Variants in COL4A6 observed in about 807,000 individuals in gnomAD.
COL4A6 encodes collagen alpha-6(IV) chain.
A neutral mutation model predicts 126.7 loss-of-function variants in COL4A6; 59 were observed. The ratio of observed to expected loss-of-function variants is 0.47; its 90% CI spans 0.38 to 0.58. The LOEUF (loss-of-function observed/expected upper bound fraction) is 0.58, where lower values mean the gene tolerates loss of function less well. Ranked by LOEUF, COL4A6 falls within the 20% of genes least tolerant of loss-of-function variation. The probability of loss-of-function intolerance (pLI) is 0.00; values close to 1 mark genes in which losing one functional copy is unlikely to be tolerated. For synonymous variants in COL4A6, 547 were observed against 496.6 expected (o/e 1.10, Z -1.35); for missense variants, 1,285 against 1,337.3 (o/e 0.96, Z 0.61).
chrX:108,266,735 G>C (rs2037312972), intron 3 of COL4A6, among the ~76,000 whole-genome samples: 1 of 111,694 alleles, frequency 9.0e-6, no homozygotes, highest in Non-Finnish European at 1.9e-5. Context: ...TTAGCATATT[G>C]CCTGGCAAAT....
intron 12 of COL4A6, 109 bp from the exon 13 acceptor site, chrX:108,203,090 C>T: frequency 1.5e-6 from 1 of 645,326 alleles, no homozygotes; most frequent in Non-Finnish European, 2.5e-6. Context: ...AATGAAGTAT[C>T]AAGATTAGGG....
chrX:108,176,773 A>G, intron 28 of COL4A6, 68 bp downstream of exon 28: 1 of 1,066,943 alleles, frequency 9.4e-7, no homozygotes, highest in South Asian at 2.2e-5. Flanking sequence ...GAGAGGAAGG[A>G]GCAAGCTGCG....
chrX:108,408,034 G>A (rs1329738551), intron 2 of COL4A6, among the ~76,000 whole-genome samples: 4 of 111,654 alleles, frequency 3.6e-5, no homozygotes, highest in African/African-American at 1.3e-4. Context: ...AAGTAGGCCG[G>A]GTGGGGTGGC....
intron 2 of COL4A6, among the ~76,000 whole-genome samples, chrX:108,397,742 T>G (rs1316045734): frequency 9.0e-6 from 1 of 111,513 alleles, no homozygotes; most frequent in Non-Finnish European, 1.9e-5. Context: ...TTTTACTGAT[T>G]AGTTAGATCA....
At chrX:108,389,369 C>T (rs754232949) in intron 2 of COL4A6, among the ~76,000 whole-genome samples, 19 of 111,609 alleles carry the variant, frequency 1.7e-4, no homozygotes, top group African/African-American at 6.2e-4. Context: ...TTGCAGGTGT[C>T]AAAGAACTTG....
At chrX:108,266,063 A>G (rs940202525) in intron 3 of COL4A6, among the ~76,000 whole-genome samples, 4 of 111,949 alleles carry the variant, frequency 3.6e-5, no homozygotes, top group Non-Finnish European at 7.5e-5. Context: ...GCATTTGATA[A>G]CTGGGAGAGA....
At chrX:108,194,728 G>A in intron 15 of COL4A6, 141 bp from the exon 16 acceptor site, 1 of 592,885 alleles carries the variant, frequency 1.7e-6, no homozygotes, top group South Asian at 3.1e-5. Flanking sequence ...GACTCTGGAA[G>A]CTGTAAAATC....
chrX:108,288,726 T>G (rs2038077500), intron 3 of COL4A6, among the ~76,000 whole-genome samples: 1 of 111,326 alleles, frequency 9.0e-6, no homozygotes, highest in Non-Finnish European at 1.9e-5. Flanking sequence ...ATTTATACTT[T>G]CAGTGTAAAG....
chrX:108,300,724 C>CGTGTGTGTGTGTGTGTGTGTGTGT (rs58203884), intron 3 of COL4A6, among the ~76,000 whole-genome samples: 6 of 92,396 alleles, frequency 6.5e-5, no homozygotes, highest in African/African-American at 2.0e-4. Context: ...CAAACATTGG[C>CGTGTGTGTGTGTGTGTGTGTGTGT]GTGTGTGTGT....
intron 3 of COL4A6, among the ~76,000 whole-genome samples, chrX:108,248,777 A>T (rs1235894107): frequency 9.0e-6 from 1 of 110,776 alleles, no homozygotes; most frequent in Non-Finnish European, 1.9e-5. Context: ...CTGCACAGTG[A>T]GAGGTGAGCA....
At chrX:108,221,511 TC>T in intron 3 of COL4A6, 137 bp from the exon 4 acceptor site, 1 of 654,235 alleles carries the variant, frequency 1.5e-6, no homozygotes, top group Non-Finnish European at 2.3e-6. Flanking sequence ...ACGCCAAAGT[TC>T]CAGACACGGA....
chrX:108,188,081 A>G lies in COL4A6; in HGVS notation c.1588-54T>C, dbSNP rs146374953. 7.3e-3 allele frequency: 7,489 copies of G among 1,027,465 alleles called. 305 individuals are homozygous for G. The African/African-American group carries it at 0.12, about 17-fold the overall frequency. The allele number at this position is 1,027,465 out of a possible 1,213,427, so 84.7% of individuals were successfully genotyped here. A position where few individuals can be genotyped will look rare whatever the true frequency, so the allele number is the denominator to read the frequency against. ...AGTCAGAAGATGTAGACTTCATAGA[A>G]TTCCGGCACCTAGCATTATGACTTA... On this transcript the variant is annotated intron_variant, in intron 21 of 44. Transcript: ENST00000334504.
intron 8 of COL4A6, among the ~76,000 whole-genome samples, chrX:108,208,092 C>CA (rs761530117): frequency 1.8e-5 from 2 of 111,998 alleles, no homozygotes; most frequent in Admixed American, 9.5e-5. Flanking sequence ...AAGGACATTT[C>CA]AAAATGATAA....
At chrX:108,378,112 A>G (rs2148125543) in intron 2 of COL4A6, among the ~76,000 whole-genome samples, 1 of 111,049 alleles carries the variant, frequency 9.0e-6, no homozygotes, top group East Asian at 2.8e-4. Flanking sequence ...TTATATTTTA[A>G]AAAGTTTTTA....
At chrX:108,183,121 G>C (rs916337881) in intron 23 of COL4A6, among the ~76,000 whole-genome samples, 2 of 112,319 alleles carry the variant, frequency 1.8e-5, no homozygotes, top group East Asian at 5.6e-4. Flanking sequence ...AAGTCATATT[G>C]GTATCTGGCT....
intron 21 of COL4A6, 59 bp from the exon 22 acceptor site, chrX:108,188,086 G>C (rs996420687): frequency 5.0e-6 from 5 of 998,137 alleles, no homozygotes; most frequent in Middle Eastern, 2.8e-4. Flanking sequence ...ATAGAATTCC[G>C]GCACCTAGCA....
At chrX:108,175,517 G>A in intron 29 of COL4A6, 137 bp downstream of exon 29, 6 of 707,416 alleles carry the variant, frequency 8.5e-6, no homozygotes, top group Non-Finnish European at 1.2e-5. Flanking sequence ...TGGTTTAAAA[G>A]GACTTAATTC....
intron 3 of COL4A6, among the ~76,000 whole-genome samples, chrX:108,285,881 TG>T (rs1342924999): frequency 9.0e-6 from 1 of 111,703 alleles, no homozygotes; most frequent in Non-Finnish European, 1.9e-5. Flanking sequence ...AAAGAAATTC[TG>T]GGTAGGAGTG....
Position 108,221,273 on chromosome X carries a change from G to T in COL4A6, c.246C>A (p.Gly82=), listed in dbSNP as rs1287378260. 5.0e-6 allele frequency: 6 copies of T among 1,209,778 alleles called. No individual in the cohort carries two copies. The South Asian group carries it at 8.8e-5, about 18-fold the overall frequency. Residue 82 remains glycine, a synonymous_variant, in exon 4 of 45, where the codon GGC becomes GGA. Transcript: ENST00000334504. ...SGLKGERGFP[G]LLGPYGPKGD... is the part of the protein sequence containing the mutation. ...CTTTTGGTCCATAAGGTCCCAGAAG[G>T]CCTGGGAAACCCCTTTCTCCTTTCA...
Sources: allele counts gnomAD v4.1 joint callset (sites outside exome capture counted in the v4.1 genomes callset), GRCh38; gene constraint gnomAD v4.1.1; transcripts MANE v1.5; gene names NCBI Gene and HGNC (gene_info 2026-07-23, HGNC 2026-07-21).